The following SRFBP1 variants were observed in gnomAD, a reference collection of about 807,000 sequenced individuals.
The protein encoded by SRFBP1 is serum response factor binding protein 1.
SRFBP1 carries 47 observed loss-of-function variants against 45.5 expected under a neutral mutation model. The ratio of observed to expected loss-of-function variants is 1.03; its 90% CI spans 0.82 to 1.32. The LOEUF is 1.32. Among genes scored for constraint, SRFBP1 ranks in the 40% most tolerant of loss-of-function variants. The probability of loss-of-function intolerance (pLI) is 0.00; values close to 1 mark genes in which losing one functional copy is unlikely to be tolerated. For missense variants in SRFBP1, 621 were observed against 484.6 expected (o/e 1.28, Z -2.64); for synonymous variants, 203 against 166.3 (o/e 1.22, Z -1.70).
At chr5:121,995,668 A>G (rs1170056106) in intron 4 of SRFBP1, among the ~76,000 whole-genome samples, 2 of 152,214 alleles carry the variant, frequency 1.3e-5, no homozygotes, top group African/African-American at 2.4e-5. Flanking sequence ...AAATCAGAGC[A>G]GAACTCAAGG....
chr5:122,055,979 C>T (rs1008946245), intron 2 of SRFBP1, among the ~76,000 whole-genome samples: 3 of 152,148 alleles, frequency 2.0e-5, no homozygotes, highest in Non-Finnish European at 4.4e-5. Flanking sequence ...TTTAAGGTAT[C>T]CAAATTCCCT....
chr5:122,039,244 C>T (rs891944784), intron 2 of SRFBP1, among the ~76,000 whole-genome samples: 3 of 152,070 alleles, frequency 2.0e-5, no homozygotes, highest in African/African-American at 7.2e-5. Flanking sequence ...ATTTCTGTAC[C>T]TGGTGTTTAA....
At chr5:122,066,886 A>C (rs920508427) in intron 2 of SRFBP1, 1 of 635,004 alleles carries the variant, frequency 1.6e-6, no homozygotes, top group Non-Finnish European at 2.9e-6. Flanking sequence ...TCATGTTGTG[A>C]AATTATGCAG....
At chr5:121,986,254 G>A (rs1318728345) in intron 3 of SRFBP1, among the ~76,000 whole-genome samples, 3 of 151,978 alleles carry the variant, frequency 2.0e-5, no homozygotes, top group Non-Finnish European at 2.9e-5. Context: ...AGGGGACAAT[G>A]CTGCTGATAC....
At chr5:122,013,199 T>C (rs1038821213) in intron 4 of SRFBP1, among the ~76,000 whole-genome samples, 2 of 152,156 alleles carry the variant, frequency 1.3e-5, no homozygotes, top group African/African-American at 4.8e-5. Flanking sequence ...TATGTCTGTA[T>C]TGTAATTTTT....
At chr5:122,070,164 C>A in intron 2 of SRFBP1, 1 of 1,561,916 alleles carries the variant, frequency 6.4e-7, no homozygotes, top group Non-Finnish European at 8.8e-7. Flanking sequence ...GGGGTTTACA[C>A]TGACCTGGGC....
intron 2 of SRFBP1, among the ~76,000 whole-genome samples, chr5:122,069,501 GA>G (rs985824248): frequency 2.6e-5 from 4 of 152,040 alleles, no homozygotes; most frequent in Non-Finnish European, 4.4e-5. Flanking sequence ...AGAGTCTCAG[GA>G]GTAGGAATAT....
At chr5:122,012,364 G>A (rs1014814234) in intron 4 of SRFBP1, among the ~76,000 whole-genome samples, 2 of 151,908 alleles carry the variant, frequency 1.3e-5, no homozygotes, top group Non-Finnish European at 2.9e-5. Context: ...AATTGCTATG[G>A]TTTAGTAAAT....
chr5:122,013,124 C>G (rs188842038), intron 4 of SRFBP1, among the ~76,000 whole-genome samples: 1 of 152,166 alleles, frequency 6.6e-6, no homozygotes, highest in African/African-American at 2.4e-5. Context: ...ATAAAAATGA[C>G]AAAGCTCATC....
downstream of SRFBP1, chr5:122,076,871 C>T: frequency 6.2e-7 from 1 of 1,609,926 alleles, no homozygotes. Flanking sequence ...GGGAGCGGGG[C>T]CTCAGACATA....
chr5:122,071,030 G>C (rs1311123815), intron 2 of SRFBP1, among the ~76,000 whole-genome samples: 1 of 151,876 alleles, frequency 6.6e-6, no homozygotes. Context: ...ATTGTGGATA[G>C]CTTTTACAGT....
downstream of SRFBP1, chr5:122,075,692 T>C: frequency 2.1e-6 from 1 of 487,126 alleles, no homozygotes. Context: ...TGTTTCTTTT[T>C]GTTCATTGCT....
At chr5:121,967,893 TG>T (rs1752108765) in intron 1 of SRFBP1, among the ~76,000 whole-genome samples, 1 of 152,214 alleles carries the variant, frequency 6.6e-6, no homozygotes, top group Non-Finnish European at 1.5e-5. Flanking sequence ...TTCAAACGTA[TG>T]GAAAATAATG....
At position 121,974,238 on chromosome 5, in the gene SRFBP1, G is replaced by T. The variant is rs758549370; in HGVS notation, c.79G>T (p.Val27Phe). 2.5e-6 allele frequency: 4 copies of T among 1,611,504 alleles called. No homozygotes were observed. Among genetic ancestry groups the T allele is most frequent in the Non-Finnish European group, 3.4e-6 (4 of 1,178,198 alleles). ...AGAAGTGAAGAGAATTCGAGTTTTA[G>T]TTATCCGAAAACTTGTCAGGAGTGT... ...RKEVKRIRVLVIRKLVRSVGR... is the reference protein window; with the variant it reads ...RKEVKRIRVLFIRKLVRSVGR... Residue 27 changes from valine (V) to phenylalanine (F), a missense_variant, in exon 2 of 8, where the codon GTT becomes TTT. Transcript: ENST00000339397.
intron 4 of SRFBP1, among the ~76,000 whole-genome samples, chr5:122,011,912 C>A (rs1465184879): frequency 6.6e-6 from 1 of 152,086 alleles, no homozygotes; most frequent in African/African-American, 2.4e-5. Flanking sequence ...AAACCTGAGC[C>A]CATCTGCTTC....
downstream of SRFBP1, among the ~76,000 whole-genome samples, chr5:122,032,399 G>A (rs763166438): frequency 2.8e-5 from 3 of 107,050 alleles, no homozygotes; most frequent in Admixed American, 1.1e-4. Flanking sequence ...ATTCCCGCCC[G>A]CCCCCTGTAA....
intron 3 of SRFBP1, among the ~76,000 whole-genome samples, chr5:121,989,211 G>A (rs772945456): frequency 2.4e-4 from 37 of 151,870 alleles, no homozygotes; most frequent in African/African-American, 8.0e-4. Context: ...TTACAGGCAC[G>A]TGCCACTACA....
At chr5:121,968,642 CT>C (rs1752125198) in intron 1 of SRFBP1, among the ~76,000 whole-genome samples, 1 of 152,046 alleles carries the variant, frequency 6.6e-6, no homozygotes, top group African/African-American at 2.4e-5. Flanking sequence ...TGTGTGTAGC[CT>C]TTTCCTATTG....
chr5:121,991,064 C>T (rs532739649), intron 3 of SRFBP1, among the ~76,000 whole-genome samples: 3 of 152,088 alleles, frequency 2.0e-5, no homozygotes, highest in Non-Finnish European at 4.4e-5. Context: ...AGGTAAGGGA[C>T]CCCAGCCTCA....
Sources: allele counts gnomAD v4.1 joint callset (sites outside exome capture counted in the v4.1 genomes callset), GRCh38; gene constraint gnomAD v4.1.1; transcripts MANE v1.5; gene names NCBI Gene and HGNC (gene_info 2026-07-23, HGNC 2026-07-21).